The following MPZL1 variants were observed in gnomAD, a reference collection of about 807,000 sequenced individuals.
MPZL1 encodes myelin protein zero-like protein 1.
Under a neutral mutation model 29.3 loss-of-function variants are expected in MPZL1, and 16 were observed. That is an observed-to-expected ratio of 0.55 (90% confidence interval 0.37 to 0.83). The LOEUF (loss-of-function observed/expected upper bound fraction) is 0.83, where lower values mean the gene tolerates loss of function less well. MPZL1 is among the 40% of genes least tolerant of loss of function. MPZL1 has a pLI of 0.00. For synonymous variants in MPZL1, 143 were observed against 132.0 expected (o/e 1.08, Z -0.57); for missense variants, 279 against 332.9 (o/e 0.84, Z 1.26).
intron 1 of MPZL1, among the ~76,000 whole-genome samples, chr1:167,761,523 C>G (rs1165648090): frequency 6.6e-6 from 1 of 152,136 alleles, no homozygotes; most frequent in Non-Finnish European, 1.5e-5. Flanking sequence ...GGGAGGTTCT[C>G]TTCTCATTGC....
At chr1:167,750,581 A>G (rs1234866798) in intron 1 of MPZL1, among the ~76,000 whole-genome samples, 1 of 152,146 alleles carries the variant, frequency 6.6e-6, no homozygotes. Flanking sequence ...CCCACCTTGT[A>G]TATGTGTTTC....
chr1:167,741,013 A>G (rs1660508730), intron 1 of MPZL1, among the ~76,000 whole-genome samples: 1 of 152,098 alleles, frequency 6.6e-6, no homozygotes, highest in Non-Finnish European at 1.5e-5. Flanking sequence ...GAATTACTGC[A>G]GTCACTTCTT....
rs369002230 is a variant in MPZL1 at position 167,767,180 on chromosome 1, A to G, written c.258+1431A>G. Among the ~76,000 whole-genome samples the G allele has an allele frequency of 9.8e-5, 15 of 152,362 alleles. No individual in the cohort carries two copies. In the East Asian group the frequency reaches 2.5e-3, roughly 25 times the overall value. ...TTCCCTTACAGTAGCCATAAGGGTG[A>G]GCACAGGAATCCATACAGATACCAT... On this transcript the variant is annotated intron_variant, in intron 2 of 5. Transcript: ENST00000359523.
chr1:167,778,554 A>ATGGG (rs1452935789), intron 5 of MPZL1, among the ~76,000 whole-genome samples: 4 of 151,788 alleles, frequency 2.6e-5, no homozygotes, highest in African/African-American at 9.6e-5. Context: ...GGATGGATGG[A>ATGGG]TGGATGGATG....
At chr1:167,753,495 G>A (rs1378977979) in intron 1 of MPZL1, among the ~76,000 whole-genome samples, 1 of 152,160 alleles carries the variant, frequency 6.6e-6, no homozygotes. Flanking sequence ...TATCTCGAAA[G>A]TACCCATGGC....
chr1:167,771,530 T>C (rs1051970769), intron 2 of MPZL1, among the ~76,000 whole-genome samples: 10 of 152,198 alleles, frequency 6.6e-5, no homozygotes, highest in Non-Finnish European at 1.0e-4. Context: ...TGGGTACACG[T>C]GCAGAAAGGC....
At chr1:167,783,228 C>A (rs894046937) in intron 5 of MPZL1, among the ~76,000 whole-genome samples, 3 of 152,100 alleles carry the variant, frequency 2.0e-5, no homozygotes, top group Non-Finnish European at 4.4e-5. Flanking sequence ...AGACCAGAAC[C>A]AAACTGGGGC....
chr1:167,733,731 G>A (rs907043345), intron 1 of MPZL1, among the ~76,000 whole-genome samples: 9 of 150,296 alleles, frequency 6.0e-5, no homozygotes, highest in African/African-American at 2.2e-4. Flanking sequence ...GTGACAGAGT[G>A]AGACTCTGTC....
intron 5 of MPZL1, among the ~76,000 whole-genome samples, chr1:167,779,221 GA>G (rs1253213358): frequency 1.3e-5 from 2 of 151,640 alleles, no homozygotes; most frequent in South Asian, 2.1e-4. Context: ...AAAAGGGAGA[GA>G]AAAAAATATG....
chr1:167,760,747 C>G (rs905268169), intron 1 of MPZL1, among the ~76,000 whole-genome samples: 1 of 120,108 alleles, frequency 8.3e-6, no homozygotes, highest in Non-Finnish European at 1.8e-5. Context: ...GTTGAATAGG[C>G]TGTGTGTGTG....
chr1:167,765,112 AAC>A (rs1385088933), intron 1 of MPZL1: 2 of 152,292 alleles, frequency 1.3e-5, no homozygotes, highest in African/African-American at 4.8e-5. Flanking sequence ...CTACAACACT[AAC>A]ACAAATCCTA....
intron 1 of MPZL1, among the ~76,000 whole-genome samples, chr1:167,746,670 G>A (rs185848838): frequency 4.3e-4 from 65 of 152,256 alleles, no homozygotes; most frequent in Non-Finnish European, 3.2e-4. Flanking sequence ...CAAGCTGTGT[G>A]ACAAAGTTGT....
At chr1:167,772,249 C>A in intron 2 of MPZL1, 26 bp from the exon 3 acceptor site, 2 of 1,559,408 alleles carry the variant, frequency 1.3e-6, no homozygotes, top group South Asian at 1.1e-5. Flanking sequence ...GAGAATAGTT[C>A]ATGTGTTCCT....
intron 5 of MPZL1, among the ~76,000 whole-genome samples, chr1:167,783,351 G>GC (rs1661531347): frequency 6.6e-6 from 1 of 152,136 alleles, no homozygotes; most frequent in Non-Finnish European, 1.5e-5. Context: ...TTTTTTCTTT[G>GC]TGAAGCTTAG....
chr1:167,745,290 T>C (rs1660622044), intron 1 of MPZL1, among the ~76,000 whole-genome samples: 1 of 152,128 alleles, frequency 6.6e-6, no homozygotes, highest in Admixed American at 6.6e-5. Context: ...TCAGACTCTT[T>C]ATTACAAATA....
chr1:167,743,625 G>C (rs866574699), intron 1 of MPZL1, among the ~76,000 whole-genome samples: 1 of 140,574 alleles, frequency 7.1e-6, no homozygotes, highest in African/African-American at 2.5e-5. Flanking sequence ...TCACCTCCTT[G>C]GTTAGGTATA....
chr1:167,737,475 G>A lies in MPZL1; in HGVS notation c.91+15233G>A, dbSNP rs117731970. 1.2e-3 allele frequency among the ~76,000 whole-genome samples: 189 copies of A among 152,302 alleles called. 1 individual carries two copies. The East Asian group carries it at 0.019, about 15-fold the overall frequency. Reference sequence around the variant, plus strand: ...GGGTGGTGTTCAATAAGATCGTAACGTCAGTTTAACTTACAGTGAACTTTA... The same window carrying A: ...GGGTGGTGTTCAATAAGATCGTAACATCAGTTTAACTTACAGTGAACTTTA... On this transcript the variant is annotated intron_variant, in intron 1 of 5. Coordinates refer to ENST00000359523, the MANE Select transcript of MPZL1 (RefSeq NM_003953.6).
At chr1:167,731,203 G>A (rs1331953037) in intron 1 of MPZL1, among the ~76,000 whole-genome samples, 1 of 152,162 alleles carries the variant, frequency 6.6e-6, no homozygotes, top group Non-Finnish European at 1.5e-5. Flanking sequence ...GGGAGGCTGA[G>A]GTGGACGGAT....
intron 1 of MPZL1, among the ~76,000 whole-genome samples, chr1:167,747,700 A>G (rs1461478102): frequency 2.6e-5 from 4 of 152,120 alleles, no homozygotes; most frequent in East Asian, 1.9e-4. Flanking sequence ...TCTATAAGTG[A>G]TAGCATCTCA....
Sources: allele counts gnomAD v4.1 joint callset (sites outside exome capture counted in the v4.1 genomes callset), GRCh38; gene constraint gnomAD v4.1.1; transcripts MANE v1.5; gene names NCBI Gene and HGNC (gene_info 2026-07-23, HGNC 2026-07-21).